Variants in KLHL22 observed in about 807,000 individuals in gnomAD.
The protein encoded by KLHL22 is kelch-like protein 22.
In KLHL22, 18 loss-of-function variants were observed where a neutral mutation model predicts 60.7. The observed-to-expected ratio is 0.30, with a 90% CI of 0.20 to 0.44. The LOEUF is 0.44. Ranked by LOEUF, KLHL22 falls within the 20% of genes least tolerant of loss-of-function variation. The probability of loss-of-function intolerance (pLI) is 1.00; values close to 1 mark genes in which losing one functional copy is unlikely to be tolerated. For missense variants in KLHL22, 596 were observed against 852.3 expected (o/e 0.70, Z 3.74); for synonymous variants, 355 against 354.5 (o/e 1.00, Z -0.01).
chr22:20,488,662 A>G, intron 2 of KLHL22: 1 of 226,086 alleles, frequency 4.4e-6, no homozygotes, highest in Non-Finnish European at 8.2e-6. Flanking sequence ...ATAATTACTG[A>G]CGGAGGGGAG....
At chr22:20,446,807 T>G in intron 5 of KLHL22, 131 bp from the exon 6 acceptor site, 1 of 694,540 alleles carries the variant, frequency 1.4e-6, no homozygotes, top group African/African-American at 1.7e-5. Flanking sequence ...CCCACTCACA[T>G]ACAGACAAGA....
intron 2 of KLHL22, among the ~76,000 whole-genome samples, chr22:20,485,067 T>C (rs1444256644): frequency 1.3e-5 from 2 of 152,174 alleles, no homozygotes; most frequent in Admixed American, 1.3e-4. Flanking sequence ...CTATTAATTT[T>C]TTAAAAATAA....
At chr22:20,470,992 T>G (rs115766542) in intron 3 of KLHL22, among the ~76,000 whole-genome samples, 1,645 of 152,278 alleles carry the variant, frequency 0.011, 37 homozygotes, top group African/African-American at 0.037. Context: ...GCAGCAATGC[T>G]GGTGGATGCT....
At chr22:20,451,911 T>C in intron 5 of KLHL22, 1 of 1,206,680 alleles carries the variant, frequency 8.3e-7, no homozygotes, top group Non-Finnish European at 1.2e-6. Context: ...AATGTCTGTT[T>C]CTCACTATGT....
rs772430084 is a variant in KLHL22, at chr22:20,457,882, T to C, written c.1231A>G (p.Asn411Asp). The C allele has an allele frequency of 5.1e-5, 83 of 1,612,628 alleles. 3 individuals carry two copies. Among genetic ancestry groups the C allele is most frequent in the South Asian group, 4.6e-4 (42 of 90,696 alleles). ...IYAVAGRDYH[N>D]DLNAVERYDP... is the part of the protein sequence containing the mutation. ...TAGCGCTCCACAGCATTCAGGTCATTGTGGTAGTCACGGCCCGCCACAGCG... is the reference window on the plus strand; with the variant it reads ...TAGCGCTCCACAGCATTCAGGTCATCGTGGTAGTCACGGCCCGCCACAGCG... The change falls in exon 5 of 7, where the codon AAT becomes GAT. Residue 411 changes from asparagine to aspartate, a missense_variant. Transcript: ENST00000328879.
chr22:20,490,816 A>G (rs971140408), intron 1 of KLHL22, among the ~76,000 whole-genome samples: 22 of 152,214 alleles, frequency 1.4e-4, no homozygotes, highest in African/African-American at 5.1e-4. Context: ...CTCAGGTGGT[A>G]ATGCTGGATC....
intron 2 of KLHL22, among the ~76,000 whole-genome samples, chr22:20,475,630 C>T (rs548064706): frequency 5.9e-5 from 9 of 151,832 alleles, no homozygotes; most frequent in East Asian, 5.8e-4. Context: ...AGCGCGATCT[C>T]GGCTCACCAC....
chr22:20,489,283 A>C, intron 1 of KLHL22, 39 bp from the exon 2 acceptor site: 4 of 1,478,396 alleles, frequency 2.7e-6, no homozygotes, highest in Non-Finnish European at 3.7e-6. Flanking sequence ...GTGAGCAGGC[A>C]GGCATCAGCC....
chr22:20,457,328 A>T (rs1321251042), intron 5 of KLHL22, among the ~76,000 whole-genome samples: 1 of 152,148 alleles, frequency 6.6e-6, no homozygotes, highest in Admixed American at 6.5e-5. Context: ...AAAAAATAAA[A>T]CCTTAGAGTG....
chr22:20,445,962 T>C (rs775282210), intron 6 of KLHL22, among the ~76,000 whole-genome samples: 1 of 152,198 alleles, frequency 6.6e-6, no homozygotes, highest in Non-Finnish European at 1.5e-5. Context: ...GGTTTTGCCA[T>C]GATGCCCAGG....
rs554687519 is a variant in KLHL22 at position 20,452,816 on chromosome 22, G to A, written c.1305+4992C>T. ...ATTTGGGGATGGACTGGGAGTGACAGTAGCCTAGTAGTTCAGCTACCTGAT... is the reference window on the plus strand; with the variant it reads ...ATTTGGGGATGGACTGGGAGTGACAATAGCCTAGTAGTTCAGCTACCTGAT... On this transcript the variant is annotated intron_variant, in intron 5 of 6. Transcript: ENST00000328879. Among the ~76,000 whole-genome samples the A allele has an allele frequency of 6.0e-4, 91 of 152,332 alleles. 1 individual carries two copies. Among genetic ancestry groups the A allele is most frequent in the African/African-American group, 2.2e-3 (91 of 41,570 alleles).
chr22:20,480,026 T>C (rs62219869), intron 2 of KLHL22, among the ~76,000 whole-genome samples: 29,937 of 152,148 alleles, frequency 0.2, 3,826 homozygotes, highest in Non-Finnish European at 0.29. Context: ...GCCTTCAAAA[T>C]GAAGGAAATC....
intron 5 of KLHL22, among the ~76,000 whole-genome samples, chr22:20,456,804 C>T (rs1279820647): frequency 6.6e-6 from 1 of 152,046 alleles, no homozygotes. Flanking sequence ...GCCCTGACCC[C>T]TGAAGTCAAA....
intron 5 of KLHL22, among the ~76,000 whole-genome samples, chr22:20,447,590 C>A (rs2052892212): frequency 2.0e-5 from 3 of 149,514 alleles, no homozygotes; most frequent in African/African-American, 7.3e-5. Context: ...GTCACCAGGC[C>A]GGAGTGCAGT....
chr22:20,451,592 C>T (rs2052979972), intron 5 of KLHL22: 1 of 1,595,090 alleles, frequency 6.3e-7, no homozygotes, highest in Admixed American at 1.7e-5. Context: ...TCCGTTGAAG[C>T]ATACAACATT....
intron 3 of KLHL22, 120 bp downstream of exon 3, chr22:20,471,230 T>TG (rs2053321920): frequency 1.1e-6 from 1 of 915,368 alleles, no homozygotes. Flanking sequence ...CGTCACTGCT[T>TG]GGTCTCCTCA....
At chr22:20,493,407 T>C (rs2053721120) in intron 1 of KLHL22, among the ~76,000 whole-genome samples, 2 of 152,114 alleles carry the variant, frequency 1.3e-5, no homozygotes, top group South Asian at 4.2e-4. Context: ...ATCTATACGG[T>C]TTTAAATCAC....
At chr22:20,471,033 C>T (rs1488044183) in intron 3 of KLHL22, among the ~76,000 whole-genome samples, 2 of 152,364 alleles carry the variant, frequency 1.3e-5, no homozygotes, top group African/African-American at 2.4e-5. Context: ...GCACACAGGA[C>T]GTCCACATGC....
At chr22:20,475,326 A>G (rs2053394182) in intron 2 of KLHL22, 2 of 152,010 alleles carry the variant, frequency 1.3e-5, no homozygotes, top group African/African-American at 4.8e-5. Context: ...TTCGTTTTCA[A>G]TGTTGTCAAA....
Sources: allele counts gnomAD v4.1 joint callset (sites outside exome capture counted in the v4.1 genomes callset), GRCh38; gene constraint gnomAD v4.1.1; transcripts MANE v1.5; gene names NCBI Gene and HGNC (gene_info 2026-07-23, HGNC 2026-07-21).